Variants in GRID2 observed in about 807,000 individuals in gnomAD.
GRID2 encodes glutamate receptor ionotropic, delta-2.
A neutral mutation model predicts 114.8 loss-of-function variants in GRID2; 33 were observed. The ratio of observed to expected loss-of-function variants is 0.29; its 90% CI spans 0.22 to 0.38. The LOEUF (loss-of-function observed/expected upper bound fraction) is 0.38, where lower values mean the gene tolerates loss of function less well. Ranked by LOEUF, GRID2 falls within the 10% of genes least tolerant of loss-of-function variation. The pLI, the probability that GRID2 is intolerant of heterozygous loss-of-function variation, is 1.00. For missense variants in GRID2, 1,184 were observed against 1,257.7 expected, an observed-to-expected ratio of 0.94 and a Z score of 0.89; for synonymous variants, 505 against 449.9, an observed-to-expected ratio of 1.12 and a Z score of -1.55.
At chr4:92,550,039 A>G (rs1726497294) in intron 1 of GRID2, among the ~76,000 whole-genome samples, 1 of 152,158 alleles carries the variant, frequency 6.6e-6, no homozygotes, top group African/African-American at 2.4e-5. Context: ...TGTGTATTAC[A>G]GTGAGATAAT....
intron 2 of GRID2, among the ~76,000 whole-genome samples, chr4:92,995,590 A>G (rs1028263085): frequency 2.0e-5 from 3 of 152,184 alleles, no homozygotes; most frequent in African/African-American, 7.2e-5. Flanking sequence ...GAGTTTCACA[A>G]TACCAAAATT....
At chr4:93,154,921 A>C (rs750325294) in intron 4 of GRID2, among the ~76,000 whole-genome samples, 1 of 151,868 alleles carries the variant, frequency 6.6e-6, no homozygotes, top group Non-Finnish European at 1.5e-5. Flanking sequence ...CCTGATATCT[A>C]TTTTTAGATG....
intron 1 of GRID2, among the ~76,000 whole-genome samples, chr4:92,385,008 G>A (rs1729873988): frequency 6.6e-6 from 1 of 151,406 alleles, no homozygotes. Flanking sequence ...ACTGGGAAAT[G>A]TCAGGTGATT....
intron 2 of GRID2, among the ~76,000 whole-genome samples, chr4:92,897,007 G>T (rs1374727841): frequency 6.6e-6 from 1 of 152,048 alleles, no homozygotes; most frequent in Non-Finnish European, 1.5e-5. Flanking sequence ...CTCCCAAAGT[G>T]CTGGGATTAT....
chr4:92,879,916 TGGA>T (rs1745886538), intron 2 of GRID2, among the ~76,000 whole-genome samples: 1 of 152,196 alleles, frequency 6.6e-6, no homozygotes, highest in Non-Finnish European at 1.5e-5. Flanking sequence ...TGAATCCAAT[TGGA>T]ATCCAGTAGG....
intron 2 of GRID2, among the ~76,000 whole-genome samples, chr4:92,661,142 G>A (rs1003273862): frequency 6.6e-6 from 1 of 150,624 alleles, no homozygotes; most frequent in Non-Finnish European, 1.5e-5. Context: ...AAGCAGAAAG[G>A]GAGAATGGAG....
intron 2 of GRID2, among the ~76,000 whole-genome samples, chr4:93,081,150 C>T (rs1729829492): frequency 6.6e-6 from 1 of 152,050 alleles, no homozygotes; most frequent in Non-Finnish European, 1.5e-5. Flanking sequence ...TGCTAAAGTC[C>T]TGATGTGTCT....
rs991147264 is a variant in GRID2, at chr4:93,656,786, C to T, written c.2360+30351C>T. 9.5e-5 allele frequency among the ~76,000 whole-genome samples: 10 copies of T among 105,012 alleles called. 1 individual carries two copies. The highest frequency in any genetic ancestry group is 1.6e-4 in the African/African-American group (5 of 30,340). The allele number at this position is 105,012 out of a possible 152,430, so 68.9% of individuals were successfully genotyped here. On this transcript the variant is annotated intron_variant, in intron 14 of 15. Transcript: ENST00000282020. The stretch of plus-strand genomic sequence containing the variant: ...CAGAGCTTGCCGTGAGCCGAGATTG[C>T]GCCACTGCACTTCAGCCTGGGTGAC...
chr4:93,181,703 G>T (rs920515804), intron 4 of GRID2, among the ~76,000 whole-genome samples: 1 of 152,114 alleles, frequency 6.6e-6, no homozygotes, highest in South Asian at 2.1e-4. Flanking sequence ...GCACCCTCAT[G>T]AACCAGCCTC....
At chr4:93,463,151 G>A (rs761208837) in intron 11 of GRID2, among the ~76,000 whole-genome samples, 5 of 152,048 alleles carry the variant, frequency 3.3e-5, no homozygotes, top group African/African-American at 1.2e-4. Context: ...AAAACATGAC[G>A]AGGTGCCCAT....
intron 3 of GRID2, among the ~76,000 whole-genome samples, chr4:93,099,235 T>C (rs1236685083): frequency 6.6e-6 from 1 of 151,852 alleles, no homozygotes; most frequent in Non-Finnish European, 1.5e-5. Context: ...GCAATCTTAC[T>C]TATAAGAAAA....
chr4:93,203,765 G>A (rs370774155), intron 4 of GRID2, among the ~76,000 whole-genome samples: 3 of 152,152 alleles, frequency 2.0e-5, no homozygotes, highest in South Asian at 2.1e-4. Context: ...CATAGAGTAG[G>A]AAAGGGGAGT....
chr4:92,589,970 A>G (rs369905192), intron 1 of GRID2, among the ~76,000 whole-genome samples, 161 bp from the exon 2 acceptor site: 1 of 152,188 alleles, frequency 6.6e-6, no homozygotes, highest in African/African-American at 2.4e-5. Flanking sequence ...CTTCTCAGCT[A>G]TTACACTGCT....
chr4:92,956,931 TG>T (rs1176723972), intron 2 of GRID2, among the ~76,000 whole-genome samples: 1 of 152,194 alleles, frequency 6.6e-6, no homozygotes, highest in Non-Finnish European at 1.5e-5. Flanking sequence ...GCATATTTTA[TG>T]TGCTTGTTTG....
Position 92,795,737 on chromosome 4 carries a change from T to C in GRID2, c.244+205451T>C, listed in dbSNP as rs1271009848. 2.0e-5 allele frequency among the ~76,000 whole-genome samples: 3 copies of C among 152,042 alleles called. No homozygotes were observed. The East Asian group carries it at 5.8e-4, about 29-fold the overall frequency. On this transcript the variant is annotated intron_variant, in intron 2 of 15. Coordinates refer to ENST00000282020, the MANE Select transcript of GRID2 (RefSeq NM_001510.4). ...TGGAACCTTCTGTCAGATTGTCTATTGTTAATTTGATTTCTGGCACTGCTT... is the reference window on the plus strand; with the variant it reads ...TGGAACCTTCTGTCAGATTGTCTATCGTTAATTTGATTTCTGGCACTGCTT...
chr4:93,744,777 A>G (rs1490157472), intron 14 of GRID2, among the ~76,000 whole-genome samples: 19 of 152,196 alleles, frequency 1.2e-4, no homozygotes, highest in Admixed American at 9.8e-4. Context: ...ACAGCTTTGC[A>G]TGCTATAGAG....
intron 13 of GRID2, among the ~76,000 whole-genome samples, chr4:93,616,323 C>T (rs983824071): frequency 4.0e-5 from 6 of 151,766 alleles, no homozygotes; most frequent in African/African-American, 1.5e-4. Flanking sequence ...GCACGCAGAT[C>T]ACTTGAAGCC....
chr4:93,410,679 G>C (rs1433093560), intron 9 of GRID2, among the ~76,000 whole-genome samples: 1 of 152,214 alleles, frequency 6.6e-6, no homozygotes, highest in Non-Finnish European at 1.5e-5. Flanking sequence ...CATCTCCTGG[G>C]TTCAAGTGAT....
rs146802436 is a variant in GRID2, at chr4:93,272,391, C to T, written c.1245+33901C>T. 2.6e-5 allele frequency among the ~76,000 whole-genome samples: 4 copies of T among 152,234 alleles called. No homozygotes were observed. The East Asian group carries it at 7.7e-4, about 29-fold the overall frequency. ...CAGAGCTGCTGTATGTTATGTAGGC[C>T]ATACTAGAGCTGGGCTGAGCAGAAG... On this transcript the variant is annotated intron_variant, in intron 8 of 15. Coordinates refer to ENST00000282020, the MANE Select transcript of GRID2 (RefSeq NM_001510.4).
Sources: gnomAD v4.1 joint callset for allele counts (sites outside exome capture counted in the v4.1 genomes callset) on GRCh38, gnomAD v4.1.1 for gene constraint, MANE v1.5 for transcripts, NCBI Gene and HGNC (gene_info 2026-07-23, HGNC 2026-07-21) for gene names.